FBXO25: variants seen among roughly 807,000 people sequenced by gnomAD.
FBXO25 encodes F-box protein 25, also known as F-box only protein 25.
In FBXO25, 45 loss-of-function variants were observed where a neutral mutation model predicts 51.9. The ratio of observed to expected loss-of-function variants is 0.87; its 90% confidence interval spans 0.68 to 1.11. The LOEUF (loss-of-function observed/expected upper bound fraction) is 1.11. Ranked by LOEUF, FBXO25 falls within the 50% of genes most tolerant of loss-of-function variation. The probability of loss-of-function intolerance (pLI) is 0.00; values close to 1 mark genes in which losing one functional copy is unlikely to be tolerated. For synonymous variants in FBXO25, 199 were observed against 151.0 expected (o/e 1.32, Z -2.33); for missense variants, 507 against 428.5 (o/e 1.18, Z -1.62).
intron 8 of FBXO25, 85 bp downstream of exon 8, chr8:458,636 G>A: frequency 1.6e-6 from 2 of 1,286,458 alleles, no homozygotes; most frequent in Non-Finnish European, 2.2e-6. Context: ...CACCTGGAGA[G>A]AAAGAATGGC....
chr8:467,023 C>T (rs185155136), intron 9 of FBXO25, among the ~76,000 whole-genome samples: 1 of 152,170 alleles, frequency 6.6e-6, no homozygotes, highest in African/African-American at 2.4e-5. Context: ...GGCCATCTGA[C>T]GTTCACCCCA....
At chr8:443,456 G>C (rs1367462534) in intron 5 of FBXO25, among the ~76,000 whole-genome samples, 1 of 151,812 alleles carries the variant, frequency 6.6e-6, no homozygotes, top group African/African-American at 2.4e-5. Flanking sequence ...TTTAGTTTCA[G>C]ATAAAAAAGC....
Position 466,343 on chromosome 8 carries a change from C to T in FBXO25, c.988-2372C>T, listed in dbSNP as rs539262576. 1.3e-3 allele frequency among the ~76,000 whole-genome samples: 197 copies of T among 152,300 alleles called. 1 individual carries two copies. Among genetic ancestry groups the T allele is most frequent in the Middle Eastern group, 3.4e-3 (1 of 294 alleles). On this transcript the variant is annotated intron_variant, in intron 9 of 9. Coordinates refer to ENST00000350302, the MANE Select transcript of FBXO25 (RefSeq NM_183420.2). ...GGGGTCTCCTGAGCTTGCTGCCCCT[C>T]CTAGGGTCTTGGTTTGACGCCATGA...
Position 468,930 on chromosome 8 carries a change from A to G in FBXO25, c.*126A>G. ...CCTGCTTCCAGAAAGCCTGGGAAGAACTGCCCTTCTGCAAAGGGGGGACTG... is the reference window on the plus strand; with the variant it reads ...CCTGCTTCCAGAAAGCCTGGGAAGAGCTGCCCTTCTGCAAAGGGGGGACTG... On this transcript the variant is annotated 3_prime_UTR_variant, in exon 10 of 10. Transcript: ENST00000350302. 3 of 841,624 alleles carry G rather than the reference A, an allele frequency of 3.6e-6. No homozygotes were observed. The highest frequency in any genetic ancestry group is 1.8e-5 in the South Asian group (1 of 55,116). The allele number at this position is 841,624 out of a possible 1,614,324, so 52.1% of individuals were successfully genotyped here.
At chr8:445,825 C>T (rs1164286214) in intron 5 of FBXO25, among the ~76,000 whole-genome samples, 2 of 152,170 alleles carry the variant, frequency 1.3e-5, no homozygotes, top group East Asian at 1.9e-4. Flanking sequence ...GAGCCGAGAT[C>T]GCGCCATTGC....
chr8:411,774 G>T (rs777436039), intron 1 of FBXO25, among the ~76,000 whole-genome samples: 1 of 152,096 alleles, frequency 6.6e-6, no homozygotes. Flanking sequence ...GCAGAAGGGC[G>T]CTGTTTGGAC....
intron 3 of FBXO25, among the ~76,000 whole-genome samples, chr8:432,186 A>G (rs1218158635): frequency 6.6e-6 from 1 of 152,142 alleles, no homozygotes; most frequent in African/African-American, 2.4e-5. Context: ...GTGATATCTC[A>G]ACAGGTGATC....
rs369405580 is a variant in FBXO25, at chr8:438,360, G to A, written c.381+2653G>A. Among the ~76,000 whole-genome samples the A allele has an allele frequency of 9.9e-5, 15 of 152,268 alleles. No individual in the cohort carries two copies. In the South Asian group the frequency reaches 1.7e-3, roughly 17 times the overall value. On this transcript the variant is annotated intron_variant, in intron 5 of 9. Coordinates refer to ENST00000350302, the MANE Select transcript of FBXO25 (RefSeq NM_183420.2). ...AGGTGTGAGCCACCATGCCCAGCCTGTATCTTTCAACTAATGTTTTATGTA... is the reference window on the plus strand; with the variant it reads ...AGGTGTGAGCCACCATGCCCAGCCTATATCTTTCAACTAATGTTTTATGTA...
chr8:410,425 C>T (rs948145216), intron 1 of FBXO25, among the ~76,000 whole-genome samples: 8 of 149,940 alleles, frequency 5.3e-5, no homozygotes, highest in African/African-American at 1.3e-4. Context: ...GGATTATCCA[C>T]TTGATTTTTT....
chr8:447,132 G>A (rs1318492438), intron 5 of FBXO25, among the ~76,000 whole-genome samples: 1 of 152,156 alleles, frequency 6.6e-6, no homozygotes, highest in Non-Finnish European at 1.5e-5. Flanking sequence ...AGGCTGAGTC[G>A]CAGATGTTCA....
At chr8:426,182 T>G (rs1450012303) in intron 2 of FBXO25, among the ~76,000 whole-genome samples, 1 of 152,148 alleles carries the variant, frequency 6.6e-6, no homozygotes, top group Non-Finnish European at 1.5e-5. Flanking sequence ...CTGCCTCTAG[T>G]CATTTTGGTT....
intron 2 of FBXO25, among the ~76,000 whole-genome samples, chr8:414,815 A>G (rs1796696262): frequency 6.6e-6 from 1 of 152,202 alleles, no homozygotes; most frequent in South Asian, 2.1e-4. Flanking sequence ...GTGAGCGAGA[A>G]CTAGTCAGCA....
chr8:410,677 T>TG (rs928024317), intron 1 of FBXO25, among the ~76,000 whole-genome samples: 1 of 152,198 alleles, frequency 6.6e-6, no homozygotes, highest in African/African-American at 2.4e-5. Context: ...CGACTGAACA[T>TG]GGGCATTGAG....
At chr8:448,530 A>G (rs117382111) in intron 5 of FBXO25, among the ~76,000 whole-genome samples, 6,810 of 152,298 alleles carry the variant, frequency 0.045, 202 homozygotes, top group Middle Eastern at 0.082. Context: ...CTGCAAACAA[A>G]CAGTATTGAT....
At chr8:445,510 C>T (rs1317707412) in intron 5 of FBXO25, among the ~76,000 whole-genome samples, 1 of 152,132 alleles carries the variant, frequency 6.6e-6, no homozygotes, top group African/African-American at 2.4e-5. Flanking sequence ...TTAATGTTTG[C>T]CACATTAGAA....
intron 7 of FBXO25, among the ~76,000 whole-genome samples, chr8:452,674 C>G (rs1032581340): frequency 6.6e-6 from 1 of 152,182 alleles, no homozygotes; most frequent in African/African-American, 2.4e-5. Flanking sequence ...AAACACCAGA[C>G]CAGGAAGCAG....
intron 5 of FBXO25, among the ~76,000 whole-genome samples, chr8:440,385 C>A (rs1448726027): frequency 2.0e-5 from 3 of 152,164 alleles, no homozygotes; most frequent in African/African-American, 7.2e-5. Flanking sequence ...CCATTTATGA[C>A]CCAAGAGGTA....
chr8:433,512 G>A lies in FBXO25; in HGVS notation c.288+577G>A, dbSNP rs185589970. On this transcript the variant is annotated intron_variant, in intron 4 of 9. Coordinates refer to ENST00000350302, the MANE Select transcript of FBXO25 (RefSeq NM_183420.2). Reference sequence around the variant, plus strand: ...TGGCTAACATGAAATTAGTAATTGGGTTGGGTTTGTGCAGAGCTGTGTGAA... The same window carrying A: ...TGGCTAACATGAAATTAGTAATTGGATTGGGTTTGTGCAGAGCTGTGTGAA... Among the ~76,000 whole-genome samples the A allele has an allele frequency of 1.1e-4, 17 of 152,212 alleles. No homozygotes were observed. The East Asian group carries it at 3.3e-3, about 29-fold the overall frequency.
At position 432,955 on chromosome 8, in the gene FBXO25, T is replaced by A. The variant is rs780260734; in HGVS notation, c.288+20T>A. On this transcript the variant is annotated intron_variant, in intron 4 of 9. Transcript: ENST00000350302. ...AAGGAAGTAAGTATTCTATTATAAA[T>A]ATGAGAGTATCTTGTATTGTTTCTG... The A allele has an allele frequency of 1.3e-6, 2 of 1,545,466 alleles. No individual in the cohort carries two copies. The highest frequency in any genetic ancestry group is 4.3e-5 in the Admixed American group (2 of 46,222).
Sources: gnomAD v4.1 joint callset for allele counts (sites outside exome capture counted in the v4.1 genomes callset) on GRCh38, gnomAD v4.1.1 for gene constraint, MANE v1.5 for transcripts, NCBI Gene and HGNC (gene_info 2026-07-23, HGNC 2026-07-21) for gene names.